The following DLG2 variants were observed in gnomAD, a reference collection of about 807,000 sequenced individuals.
DLG2 encodes the protein discs large MAGUK scaffold protein 2, also known as disks large homolog 2.
DLG2 carries 45 observed loss-of-function variants against 132.5 expected under a neutral mutation model. The observed-to-expected ratio is 0.34, with a 90% CI of 0.27 to 0.44. The LOEUF is 0.44. Ranked by LOEUF, DLG2 falls within the 20% of genes least tolerant of loss-of-function variation. DLG2 has a pLI of 1.00. For synonymous variants in DLG2, 424 were observed against 419.6 expected (o/e 1.01, Z -0.13); for missense variants, 1,045 against 1,196.9 (o/e 0.87, Z 1.87).
intron 7 of DLG2, among the ~76,000 whole-genome samples, chr11:84,451,245 G>T (rs1276065401): frequency 6.6e-6 from 1 of 151,642 alleles, no homozygotes; most frequent in Admixed American, 6.6e-5. Flanking sequence ...ATTATAGGCT[G>T]CATCTAAACT....
chr11:85,009,635 A>ATT (rs1463219536), intron 6 of DLG2, among the ~76,000 whole-genome samples: 1 of 152,152 alleles, frequency 6.6e-6, no homozygotes, highest in Non-Finnish European at 1.5e-5. Context: ...AGAACTATTA[A>ATT]TTATTGAAAC....
At chr11:84,784,362 AAATAAATT>A (rs1280761227) in intron 6 of DLG2, among the ~76,000 whole-genome samples, 42 of 140,148 alleles carry the variant, frequency 3.0e-4, no homozygotes, top group Non-Finnish European at 5.2e-4. Context: ...ATAAATAAAT[AAATAAATT>A]AAACAAGAGT....
At chr11:84,888,084 A>G (rs2088641908) in intron 6 of DLG2, among the ~76,000 whole-genome samples, 1 of 152,112 alleles carries the variant, frequency 6.6e-6, no homozygotes. Context: ...TCTCCATAGA[A>G]CACTGCAAAT....
intron 7 of DLG2, among the ~76,000 whole-genome samples, chr11:84,439,802 G>A (rs2099012105): frequency 1.3e-5 from 2 of 152,022 alleles, no homozygotes; most frequent in Non-Finnish European, 1.5e-5. Flanking sequence ...AAAAAGAACG[G>A]GGATAAACAA....
At chr11:84,031,554 T>C (rs1456202785) in intron 11 of DLG2, among the ~76,000 whole-genome samples, 1 of 152,196 alleles carries the variant, frequency 6.6e-6, no homozygotes, top group East Asian at 1.9e-4. Context: ...TTTACCTTAC[T>C]AAGTCCAGCT....
At chr11:85,025,852 TA>T (rs5793154) in intron 6 of DLG2, among the ~76,000 whole-genome samples, 61,198 of 151,612 alleles carry the variant, frequency 0.4, 12,930 homozygotes, top group East Asian at 0.66. Context: ...CAGTATATGA[TA>T]AACATAACAT....
At chr11:83,887,640 C>T (rs2068323298) in intron 15 of DLG2, among the ~76,000 whole-genome samples, 1 of 151,644 alleles carries the variant, frequency 6.6e-6, no homozygotes, top group Admixed American at 6.6e-5. Flanking sequence ...GGCAGAGACA[C>T]AAACAAAAAA....
chr11:85,394,454 G>A (rs1167704927), intron 3 of DLG2, among the ~76,000 whole-genome samples: 1 of 152,222 alleles, frequency 6.6e-6, no homozygotes, highest in East Asian at 1.9e-4. Context: ...GCAGGTGAGT[G>A]ACAGCAAAAG....
At chr11:84,266,236 C>A (rs1162677453) in intron 7 of DLG2, among the ~76,000 whole-genome samples, 2 of 152,170 alleles carry the variant, frequency 1.3e-5, no homozygotes. Context: ...AAAGAAAATG[C>A]AAACTTCACA....
At chr11:84,372,651 A>G (rs2098711059) in intron 7 of DLG2, among the ~76,000 whole-genome samples, 2 of 152,230 alleles carry the variant, frequency 1.3e-5, no homozygotes, top group African/African-American at 4.8e-5. Context: ...ATTCTGTTTA[A>G]TAGTGTTATA....
At position 85,205,679 on chromosome 11, in the gene DLG2, A is replaced by C. The variant is rs541399618; in HGVS notation, c.187-51028T>G. 2.2e-3 allele frequency among the ~76,000 whole-genome samples: 339 copies of C among 152,310 alleles called. 2 individuals carry two copies. Among genetic ancestry groups the C allele is most frequent in the African/African-American group, 7.7e-3 (322 of 41,576 alleles). ...AAAATATGTACAACTATTATGTATC[A>C]ATTTTGAAAAATCTAAAACATAAAA... On this transcript the variant is annotated intron_variant, in intron 4 of 27. Coordinates refer to ENST00000376104, the MANE Select transcript of DLG2 (RefSeq NM_001142699.3).
chr11:85,109,970 G>A (rs1434847261), intron 6 of DLG2, among the ~76,000 whole-genome samples: 1 of 151,958 alleles, frequency 6.6e-6, no homozygotes, highest in African/African-American at 2.4e-5. Flanking sequence ...ACTTACTAAA[G>A]AGAAAAATCA....
chr11:84,822,194 T>C (rs996847395), intron 6 of DLG2, among the ~76,000 whole-genome samples: 2 of 151,846 alleles, frequency 1.3e-5, no homozygotes, highest in Non-Finnish European at 2.9e-5. Flanking sequence ...CAAAACACTT[T>C]ATGTGGCAAA....
chr11:83,694,745 T>A (rs1028673471), intron 18 of DLG2, among the ~76,000 whole-genome samples: 4 of 152,128 alleles, frequency 2.6e-5, no homozygotes, highest in African/African-American at 9.7e-5. Flanking sequence ...ATAAAACAAA[T>A]GAACACTTTA....
chr11:84,479,034 G>A (rs568098359), intron 7 of DLG2, among the ~76,000 whole-genome samples: 14 of 152,076 alleles, frequency 9.2e-5, no homozygotes, highest in African/African-American at 2.9e-4. Flanking sequence ...AAGAACCATG[G>A]TACATAAAAT....
chr11:85,449,125 T>A (rs2092132078), intron 3 of DLG2, among the ~76,000 whole-genome samples: 1 of 152,192 alleles, frequency 6.6e-6, no homozygotes, highest in South Asian at 2.1e-4. Flanking sequence ...ATTGGATACT[T>A]GGCTTATTAA....
At chr11:85,271,801 T>A (rs929068027) in intron 4 of DLG2, among the ~76,000 whole-genome samples, 12 of 152,370 alleles carry the variant, frequency 7.9e-5, no homozygotes, top group African/African-American at 2.9e-4. Flanking sequence ...CCAATGCCTG[T>A]ACCCCTATTG....
At chr11:83,971,637 C>T (rs2091361969) in intron 12 of DLG2, among the ~76,000 whole-genome samples, 1 of 151,988 alleles carries the variant, frequency 6.6e-6, no homozygotes, top group African/African-American at 2.4e-5. Context: ...TTAAGGTTAC[C>T]TAAGGCATAG....
rs74857306 is a variant in DLG2, at chr11:85,049,582, A to G, written c.357+62079T>C. ...TATCTGCACTAGGTTCTCAATAAAC[A>G]TGTGATAATAGCTGAAATTGCTCAA... On this transcript the variant is annotated intron_variant, in intron 6 of 27. Coordinates refer to ENST00000376104, the MANE Select transcript of DLG2 (RefSeq NM_001142699.3). Among the ~76,000 whole-genome samples the G allele has an allele frequency of 2.8e-4, 42 of 152,246 alleles. 1 individual carries two copies. In the East Asian group the frequency reaches 8.1e-3, roughly 29 times the overall value.
Sources: gnomAD v4.1 joint callset for allele counts (sites outside exome capture counted in the v4.1 genomes callset) on GRCh38, gnomAD v4.1.1 for gene constraint, MANE v1.5 for transcripts, NCBI Gene and HGNC (gene_info 2026-07-23, HGNC 2026-07-21) for gene names.